The following MROH2B variants were observed in gnomAD, a reference collection of about 807,000 sequenced individuals.
The protein encoded by MROH2B is maestro heat-like repeat-containing protein family member 2B.
Under a neutral mutation model 208.6 loss-of-function variants are expected in MROH2B, and 177 were observed. The ratio of observed to expected loss-of-function variants is 0.85; its 90% CI spans 0.75 to 0.96. The LOEUF (loss-of-function observed/expected upper bound fraction) is 0.96, where lower values mean the gene tolerates loss of function less well. Among genes scored for constraint, MROH2B ranks in the 40% least tolerant of loss-of-function variants. The pLI, the probability that MROH2B is intolerant of heterozygous loss-of-function variation, is 0.00. For missense variants in MROH2B, 2,002 were observed against 1,878.7 expected, an observed-to-expected ratio of 1.07 and a Z score of -1.21; for synonymous variants, 728 against 659.0, an observed-to-expected ratio of 1.10 and a Z score of -1.60.
chr5:41,070,987 C>G lies in MROH2B; in HGVS notation c.-135G>C. Reference sequence around the variant, plus strand: ...GCCTCTCTAAATGAAAGTGCCTCCTCCACTTGATTGGCACAATGGTCTGGG... The same window carrying G: ...GCCTCTCTAAATGAAAGTGCCTCCTGCACTTGATTGGCACAATGGTCTGGG... On this transcript the variant is annotated 5_prime_UTR_variant, in exon 1 of 42. Coordinates refer to ENST00000399564, the MANE Select transcript of MROH2B (RefSeq NM_173489.5). 1.2e-6 allele frequency: 1 copy of G among 800,754 alleles called. No homozygotes were observed. Among genetic ancestry groups the G allele is most frequent in the South Asian group, 1.6e-5 (1 of 60,674 alleles). 49.6% of individuals were successfully genotyped at this position (800,754 alleles called of 1,614,324 possible).
At chr5:41,013,035 A>C (rs1741824044) in intron 29 of MROH2B, among the ~76,000 whole-genome samples, 1 of 152,260 alleles carries the variant, frequency 6.6e-6, no homozygotes, top group Admixed American at 6.5e-5. Flanking sequence ...AGGGAAAAAT[A>C]ATGCAGAATG....
chr5:41,033,819 A>ATCTG lies in MROH2B; in HGVS notation c.2241+18_2241+19insCAGA, dbSNP rs112597237. 1.9e-6 allele frequency: 2 copies of ATCTG among 1,044,784 alleles called. No homozygotes were observed. Among genetic ancestry groups the ATCTG allele is most frequent in the Non-Finnish European group, 2.6e-6 (2 of 772,810 alleles). 64.7% of individuals were successfully genotyped at this position (1,044,784 alleles called of 1,614,324 possible). The stretch of plus-strand genomic sequence containing the variant: ...TATCTATCTATCTATCTATCTATCT[A>ATCTG]TCTATCTATCTCTCCTACCTTGTTC... On this transcript the variant is annotated intron_variant, in intron 22 of 41. Transcript: ENST00000399564.
chr5:41,025,822 A>T (rs984398596), intron 24 of MROH2B, among the ~76,000 whole-genome samples: 3 of 152,326 alleles, frequency 2.0e-5, no homozygotes, highest in Admixed American at 2.0e-4. Context: ...GCAGCACATC[A>T]AAAAGCTTAT....
intron 33 of MROH2B, 82 bp downstream of exon 33, chr5:41,008,524 A>G: frequency 1.3e-6 from 2 of 1,496,942 alleles, no homozygotes; most frequent in Non-Finnish European, 1.8e-6. Flanking sequence ...GACAGAAAGC[A>G]CAGACCCTGA....
intron 32 of MROH2B, 146 bp downstream of exon 32, chr5:41,009,134 G>C (rs1741688217): frequency 8.8e-7 from 1 of 1,137,270 alleles, no homozygotes. Flanking sequence ...GACAAAAGTA[G>C]AGCCACAACT....
At chr5:41,040,420 C>A (rs376085721) in intron 19 of MROH2B, among the ~76,000 whole-genome samples, 3 of 152,286 alleles carry the variant, frequency 2.0e-5, no homozygotes, top group East Asian at 3.9e-4. Context: ...CTAGACCATT[C>A]TTGTAGAGTC....
intron 24 of MROH2B, 96 bp from the exon 25 acceptor site, chr5:41,019,114 C>T: frequency 1.4e-6 from 2 of 1,478,898 alleles, no homozygotes; most frequent in Non-Finnish European, 1.8e-6. Flanking sequence ...TCTGACCAGG[C>T]AACTAACGTG....
chr5:41,054,879 T>C, intron 10 of MROH2B, 39 bp from the exon 11 acceptor site: 2 of 1,404,750 alleles, frequency 1.4e-6, no homozygotes, highest in African/African-American at 1.4e-5. Flanking sequence ...CCTGACTCAA[T>C]AGAAGTACAG....
At position 41,067,096 on chromosome 5, in the gene MROH2B, A is replaced by G. The variant is rs1277802032; in HGVS notation, c.201+12T>C. The G allele has an allele frequency of 6.6e-7, 1 of 1,513,106 alleles. No homozygotes were observed. Among genetic ancestry groups the G allele is most frequent in the South Asian group, 1.2e-5 (1 of 83,272 alleles). The allele number at this position is 1,513,106 out of a possible 1,614,324, so 93.7% of individuals were successfully genotyped here. On this transcript the variant is annotated intron_variant, in intron 3 of 41. Coordinates refer to ENST00000399564, the MANE Select transcript of MROH2B (RefSeq NM_173489.5). The stretch of plus-strand genomic sequence containing the variant: ...CATAAAGACCCTTTTCACCATCATG[A>G]ACCAAACTTACATTGTTGTCTCTCA...
intron 13 of MROH2B, 96 bp downstream of exon 13, chr5:41,050,880 GA>G (rs1247368876): frequency 1.3e-6 from 1 of 786,458 alleles, no homozygotes; most frequent in Non-Finnish European, 2.0e-6. Context: ...GGAAGCTGAT[GA>G]CAAATGGAGA....
chr5:41,042,201 A>C lies in MROH2B; in HGVS notation c.1844T>G (p.Leu615Arg), dbSNP rs1267400073. Residue 615 changes from leucine (L) to arginine (R), a missense_variant, in exon 19 of 42, where the codon CTT (leucine) becomes CGT (arginine). By Grantham distance (102) the Leu-to-Arg change is moderately radical. Transcript: ENST00000399564. ...TAAGGTGGTTCCCAAGGCTTTCCAA[A>C]GGAATTTCTGGAAAACAAAAGATAA... is the stretch of plus-strand genomic sequence containing the variant. ...YSNNSTEKKF[L>R]WKALGTTLAC... The C allele has an allele frequency of 6.4e-7, 1 of 1,560,384 alleles. No homozygotes were observed. The highest frequency in any genetic ancestry group is 8.7e-7 in the Non-Finnish European group (1 of 1,147,128).
At chr5:41,005,413 ACC>A (rs1554046603) in intron 35 of MROH2B, 116 bp downstream of exon 35, 17 of 204,552 alleles carry the variant, frequency 8.3e-5, no homozygotes, top group Admixed American at 2.5e-4. Flanking sequence ...CCTCTATGAA[ACC>A]CCCCCCCCCC....
At chr5:41,010,837 G>C (rs1741751430) in intron 30 of MROH2B, among the ~76,000 whole-genome samples, 1 of 152,150 alleles carries the variant, frequency 6.6e-6, no homozygotes, top group Non-Finnish European at 1.5e-5. Flanking sequence ...CTACTCTGGT[G>C]GGAGATATTG....
At chr5:41,046,901 G>T (rs116847641) in intron 17 of MROH2B, among the ~76,000 whole-genome samples, 3,368 of 152,112 alleles carry the variant, frequency 0.022, 71 homozygotes, top group South Asian at 0.067. Flanking sequence ...TCTTATACTG[G>T]ATAAGAATCA....
Position 41,010,076 on chromosome 5 carries a change from A to G in MROH2B, c.3139T>C (p.Leu1047=). The change falls in exon 31 of 42, where the codon TTG becomes CTG. Residue 1047 remains leucine (L), a synonymous_variant. Coordinates refer to ENST00000399564, the MANE Select transcript of MROH2B (RefSeq NM_173489.5). ...TGGTAGATTGTGCCTAAGATCTCCAATAGCTAAAGAGAAAAAAGCCAAGTC... is the reference window on the plus strand; with the variant it reads ...TGGTAGATTGTGCCTAAGATCTCCAGTAGCTAAAGAGAAAAAAGCCAAGTC... ...QQGAALEDQL[L]EILGTIYHHM... is the part of the protein sequence containing the mutation. 1 of 1,612,548 alleles carries G rather than the reference A, an allele frequency of 6.2e-7. No homozygotes were observed. Among genetic ancestry groups the G allele is most frequent in the Non-Finnish European group, 8.5e-7 (1 of 1,179,318 alleles).
chr5:41,005,106 C>A, intron 35 of MROH2B, 186 bp from the exon 36 acceptor site: 1 of 710,068 alleles, frequency 1.4e-6, no homozygotes, highest in Non-Finnish European at 2.2e-6. Context: ...GCGCACAGGT[C>A]AAGCTTGCAT....
chr5:41,021,603 T>A (rs114366502), intron 24 of MROH2B, among the ~76,000 whole-genome samples: 1 of 152,068 alleles, frequency 6.6e-6, no homozygotes, highest in African/African-American at 2.4e-5. Context: ...ATAGGCCAGG[T>A]ATGGTGGTGC....
chr5:40,998,077 C>T lies in MROH2B; in HGVS notation c.4733G>A (p.Cys1578Tyr), dbSNP rs759629068. The T allele has an allele frequency of 1.9e-6, 3 of 1,611,790 alleles. No individual in the cohort carries two copies. The South Asian group carries it at 3.3e-5, about 18-fold the overall frequency. Residue 1578 changes from cysteine (C) to tyrosine (Y), a missense_variant, in exon 42 of 42, where the codon TGT becomes TAT. Cys to Tyr is a radical substitution (Grantham distance 194). Transcript: ENST00000399564. ...TTACAGAGGAATGCTTGTCTCTTTA[C>T]ACCTTCTCAGGAGGGTTTGCAAAGC... ...EAALQTLLRR[C>Y]KETSIPL is the part of the protein sequence containing the mutation.
intron 6 of MROH2B, among the ~76,000 whole-genome samples, chr5:41,058,527 A>T (rs1426985718): frequency 6.6e-6 from 1 of 151,898 alleles, no homozygotes; most frequent in African/African-American, 2.4e-5. Context: ...GCACGATCTC[A>T]GCTCACTGCA....
Sources: gnomAD v4.1 joint callset for allele counts (sites outside exome capture counted in the v4.1 genomes callset) on GRCh38, gnomAD v4.1.1 for gene constraint, MANE v1.5 for transcripts, NCBI Gene and HGNC (gene_info 2026-07-23, HGNC 2026-07-21) for gene names.